Variants in SLC5A11 observed in about 807,000 individuals in gnomAD.
SLC5A11 encodes solute carrier family 5 member 11, also known as sodium/myo-inositol cotransporter 2.
A neutral mutation model predicts 69.8 loss-of-function variants in SLC5A11; 48 were observed. That is an observed-to-expected ratio of 0.69 (90% confidence interval 0.55 to 0.87). The LOEUF (loss-of-function observed/expected upper bound fraction) is 0.87, where lower values mean the gene tolerates loss of function less well. Among genes scored for constraint, SLC5A11 ranks in the 40% least tolerant of loss-of-function variants. SLC5A11 has a pLI of 0.00. For synonymous variants in SLC5A11, 319 were observed against 342.4 expected, an observed-to-expected ratio of 0.93 and a Z score of 0.75; for missense variants, 784 against 866.1, an observed-to-expected ratio of 0.91 and a Z score of 1.19.
At chr16:24,888,478 C>CTTATTT (rs2048534547) in intron 8 of SLC5A11, among the ~76,000 whole-genome samples, 1 of 81,406 alleles carries the variant, frequency 1.2e-5, no homozygotes, top group African/African-American at 5.0e-5. Flanking sequence ...GTATCTATTT[C>CTTATTT]TTTTTTTTTT....
chr16:24,906,695 ATCTGCAGCAACCCC>A lies in SLC5A11; in HGVS notation c.1048_1061del (p.Cys350ArgfsTer40). The A allele has an allele frequency of 6.2e-7, 1 of 1,613,430 alleles. No individual in the cohort carries two copies. The highest frequency in any genetic ancestry group is 8.5e-7 in the Non-Finnish European group (1 of 1,179,614). On this transcript the variant is annotated frameshift_variant, in exon 11 of 16. Coordinates refer to ENST00000347898, the Ensembl canonical transcript of SLC5A11. LOFTEE classifies it high-confidence loss of function. ...TGCAGATCCAGAGATCTGCCAGAAG[ATCTGCAGCAACCCC>A]TCAGGCTGTTCGGACATCGCGTATC...
chr16:24,868,547 TGAG>T (rs2047064991), intron 3 of SLC5A11, among the ~76,000 whole-genome samples: 2 of 145,052 alleles, frequency 1.4e-5, no homozygotes, highest in South Asian at 2.2e-4. Context: ...TGCGGTGAGC[TGAG>T]ATCACACCAC....
At chr16:24,873,147 A>T (rs2047424232) in intron 5 of SLC5A11, among the ~76,000 whole-genome samples, 1 of 136,476 alleles carries the variant, frequency 7.3e-6, no homozygotes, top group South Asian at 2.5e-4. Context: ...GAAGGAAAGG[A>T]AAGGAAAGAA....
chr16:24,871,177 G>A (rs1024182351), intron 4 of SLC5A11, among the ~76,000 whole-genome samples: 4 of 152,128 alleles, frequency 2.6e-5, no homozygotes, highest in African/African-American at 9.7e-5. Flanking sequence ...ACACTGCCTG[G>A]GTTTACATTC....
At chr16:24,898,681 G>A (rs1038693124) in intron 10 of SLC5A11, among the ~76,000 whole-genome samples, 8 of 152,086 alleles carry the variant, frequency 5.3e-5, no homozygotes, top group African/African-American at 1.9e-4. Flanking sequence ...ACCATGCCCA[G>A]CTAATTTTTT....
intron 6 of SLC5A11, 119 bp downstream of exon 7, chr16:24,875,850 G>C: frequency 1.2e-6 from 1 of 829,738 alleles, no homozygotes; most frequent in Non-Finnish European, 1.9e-6. Context: ...ATAGGCTGCA[G>C]GGAGATTAGA....
intron 3 of SLC5A11, among the ~76,000 whole-genome samples, 182 bp from the exon 5 acceptor site, chr16:24,869,719 G>C (rs896943943): frequency 6.6e-6 from 1 of 152,228 alleles, no homozygotes; most frequent in African/African-American, 2.4e-5. Flanking sequence ...CTCTGACCAA[G>C]TAAGAGTCTT....
intron 8 of SLC5A11, among the ~76,000 whole-genome samples, chr16:24,890,631 C>A (rs1267461087): frequency 2.0e-5 from 3 of 151,564 alleles, no homozygotes; most frequent in Admixed American, 6.6e-5. Flanking sequence ...TGTCAAACAC[C>A]AAATTTTACA....
intron 12 of SLC5A11, among the ~76,000 whole-genome samples, 193 bp from the exon 14 acceptor site, chr16:24,907,770 C>T (rs2050179199): frequency 6.6e-6 from 1 of 151,880 alleles, no homozygotes; most frequent in African/African-American, 2.4e-5. Flanking sequence ...TCTGTAATCC[C>T]ACCTATTCGG....
chr16:24,888,731 A>T (rs2048562232), intron 8 of SLC5A11, among the ~76,000 whole-genome samples: 1 of 135,966 alleles, frequency 7.4e-6, no homozygotes. Context: ...CGATCTGCCC[A>T]CTTTGGCCTC....
chr16:24,903,879 C>T (rs1282217434), intron 10 of SLC5A11, among the ~76,000 whole-genome samples: 1 of 152,042 alleles, frequency 6.6e-6, no homozygotes, highest in African/African-American at 2.4e-5. Flanking sequence ...TGTATTAATC[C>T]ATTTTCACAC....
chr16:24,849,412 C>T (rs1322734092), intron 1 of SLC5A11, among the ~76,000 whole-genome samples: 11 of 150,728 alleles, frequency 7.3e-5, no homozygotes, highest in African/African-American at 2.7e-4. Flanking sequence ...ACTAAAAACA[C>T]AAAAATTAGC....
chr16:24,883,963 G>GAGA, intron 7 of SLC5A11, 88 bp from the exon 9 acceptor site: 30 of 1,221,092 alleles, frequency 2.5e-5, no homozygotes, highest in Non-Finnish European at 3.5e-5. Context: ...CTCCCATCGG[G>GAGA]TCCTGGCCTT....
Position 24,895,821 on chromosome 16 carries a change from C to T in SLC5A11, c.871-2153C>T, listed in dbSNP as rs554840694. 5.9e-5 allele frequency among the ~76,000 whole-genome samples: 9 copies of T among 152,264 alleles called. No homozygotes were observed. The South Asian group carries it at 1.2e-3, about 21-fold the overall frequency. On this transcript the variant is annotated intron_variant, in intron 9 of 15. Transcript: ENST00000347898. The stretch of plus-strand genomic sequence containing the variant: ...CTGTCCTTGAGCACATTGATGCCTT[C>T]GGGCAACTGTCTCTGACAAGGTACA...
At chr16:24,890,884 G>T in exon 9 of SLC5A11, 1 of 1,614,156 alleles carries the variant, frequency 6.2e-7, no homozygotes, top group East Asian at 2.2e-5. Flanking sequence ...GCCGCGGTTG[G>T]TGGGATGGAA....
chr16:24,906,075 GT>G (rs2050035906), intron 10 of SLC5A11, among the ~76,000 whole-genome samples: 1 of 152,168 alleles, frequency 6.6e-6, no homozygotes, highest in South Asian at 2.1e-4. Flanking sequence ...ACCAGGACAG[GT>G]GAGCAGATGT....
At chr16:24,858,996 T>A (rs757938188) in intron 2 of SLC5A11, among the ~76,000 whole-genome samples, 8 of 152,214 alleles carry the variant, frequency 5.3e-5, no homozygotes, top group African/African-American at 1.2e-4. Context: ...ACATTTCTCA[T>A]GTAATTTTCA....
At chr16:24,893,496 T>A (rs987925120) in intron 9 of SLC5A11, among the ~76,000 whole-genome samples, 1 of 152,038 alleles carries the variant, frequency 6.6e-6, no homozygotes, top group East Asian at 1.9e-4. Context: ...CAAGACCATC[T>A]TCCTCCTTCC....
At chr16:24,897,029 T>G (rs1202366449) in intron 9 of SLC5A11, among the ~76,000 whole-genome samples, 1 of 141,044 alleles carries the variant, frequency 7.1e-6, no homozygotes, top group Non-Finnish European at 1.5e-5. Flanking sequence ...CTTGGCTCAC[T>G]GCACCCTCCA....
Sources: gnomAD v4.1 joint callset for allele counts (sites outside exome capture counted in the v4.1 genomes callset) on GRCh38, gnomAD v4.1.1 for gene constraint, MANE v1.5 for transcripts, NCBI Gene and HGNC (gene_info 2026-07-23, HGNC 2026-07-21) for gene names.